Variants in SLX9 observed in about 807,000 individuals in gnomAD.
SLX9 encodes SLX9 ribosome biogenesis factor, also known as ribosome biogenesis protein SLX9 homolog.
Under a neutral mutation model 20.8 loss-of-function variants are expected in SLX9, and 19 were observed. The observed-to-expected ratio is 0.91, with a 90% CI of 0.64 to 1.34. SLX9 has a LOEUF of 1.34. Ranked by LOEUF, SLX9 falls within the 40% of genes most tolerant of loss-of-function variation. SLX9 has a pLI of 0.00. For synonymous variants in SLX9, 113 were observed against 137.1 expected, an observed-to-expected ratio of 0.82 and a Z score of 1.23; for missense variants, 299 against 322.2, an observed-to-expected ratio of 0.93 and a Z score of 0.55.
At chr21:44,946,474 GT>G (rs1353682907) in intron 2 of SLX9, among the ~76,000 whole-genome samples, 2 of 152,134 alleles carry the variant, frequency 1.3e-5, no homozygotes, top group African/African-American at 4.8e-5. Context: ...GGTTTTGGGT[GT>G]TGGGGAGGAG....
At chr21:44,974,364 C>T (rs2085222924) in intron 5 of SLX9, among the ~76,000 whole-genome samples, 1 of 152,126 alleles carries the variant, frequency 6.6e-6, no homozygotes, top group Non-Finnish European at 1.5e-5. Flanking sequence ...TGTTGGGAAG[C>T]TGGTGTCGAA....
intron 3 of SLX9, among the ~76,000 whole-genome samples, chr21:44,966,389 A>G (rs994343504): frequency 6.6e-6 from 1 of 152,220 alleles, no homozygotes; most frequent in Non-Finnish European, 1.5e-5. Flanking sequence ...TCCGCGCTCC[A>G]CAGCCTCCAG....
At chr21:44,975,434 C>T (rs900155490) in intron 5 of SLX9, among the ~76,000 whole-genome samples, 1 of 152,330 alleles carries the variant, frequency 6.6e-6, no homozygotes, top group African/African-American at 2.4e-5. Context: ...GCCAGGGGCA[C>T]CGAACCCGTG....
At chr21:44,968,748 C>G (rs1040786343) in intron 4 of SLX9, among the ~76,000 whole-genome samples, 1 of 140,116 alleles carries the variant, frequency 7.1e-6, no homozygotes, top group African/African-American at 2.9e-5. Flanking sequence ...TGTGTCATCT[C>G]TGTGCTTTTT....
chr21:44,974,897 G>A (rs1050883356), intron 5 of SLX9, among the ~76,000 whole-genome samples: 4 of 152,208 alleles, frequency 2.6e-5, no homozygotes, highest in African/African-American at 9.7e-5. Flanking sequence ...CTCCCTGCCT[G>A]GACAGGGCGA....
intron 3 of SLX9, among the ~76,000 whole-genome samples, chr21:44,966,566 T>C (rs908981289): frequency 2.0e-5 from 3 of 152,140 alleles, no homozygotes; most frequent in Non-Finnish European, 4.4e-5. Flanking sequence ...CCACCCCCCA[T>C]GGCCCCAAGC....
chr21:44,971,797 G>T (rs2085154957), intron 4 of SLX9, among the ~76,000 whole-genome samples: 1 of 152,196 alleles, frequency 6.6e-6, no homozygotes, highest in South Asian at 2.1e-4. Context: ...ACAGGGAGGG[G>T]GTCGGCTGGC....
At chr21:44,946,646 G>C (rs1338134504) in intron 2 of SLX9, among the ~76,000 whole-genome samples, 1 of 152,238 alleles carries the variant, frequency 6.6e-6, no homozygotes. Flanking sequence ...CCAGGAGGCT[G>C]TCCTGTGGGA....
chr21:44,956,122 G>A (rs761655642), intron 2 of SLX9, among the ~76,000 whole-genome samples: 15 of 152,116 alleles, frequency 9.9e-5, no homozygotes, highest in East Asian at 1.9e-4. Context: ...TTTTCTTTTC[G>A]GCTGTTGATT....
At chr21:44,944,383 C>T (rs1304915061) in intron 2 of SLX9, among the ~76,000 whole-genome samples, 4 of 152,170 alleles carry the variant, frequency 2.6e-5, no homozygotes, top group African/African-American at 7.2e-5. Flanking sequence ...GTGAGAGGGT[C>T]TGGGAACTCC....
chr21:44,973,242 C>A lies in SLX9; in HGVS notation c.546C>A (p.Ser182Arg), dbSNP rs369077251. Residue 182 changes from serine to arginine, a missense_variant, in exon 5 of 6, where the codon AGC becomes AGA. Ser to Arg is a moderately radical substitution (Grantham distance 110). Coordinates refer to ENST00000291634, the MANE Select transcript of SLX9 (RefSeq NM_058190.4). ...GGCCCTCAGAGCTCAGCCGGATGAG[C>A]GCAGCCCAGAGACAGCAGCTTCTGT... ...KPRPSELSRM[S>R]AAQRQQLLEE... The A allele has an allele frequency of 4.3e-5, 70 of 1,612,628 alleles. No homozygotes were observed. Among genetic ancestry groups the A allele is most frequent in the Non-Finnish European group, 1.1e-5 (13 of 1,179,734 alleles).
intron 1 of SLX9, 143 bp from the exon 2 acceptor site, chr21:44,943,541 G>A: frequency 1.7e-6 from 2 of 1,163,936 alleles, no homozygotes; most frequent in Non-Finnish European, 2.4e-6. Context: ...GGTGAGGGTT[G>A]TTTCCCCCAG....
chr21:44,953,150 A>T (rs557556930), intron 2 of SLX9, among the ~76,000 whole-genome samples: 2 of 152,238 alleles, frequency 1.3e-5, no homozygotes, highest in Non-Finnish European at 2.9e-5. Context: ...GGCTCTCCTC[A>T]TTCACTCCTC....
At chr21:44,971,068 C>G (rs2085135046) in intron 4 of SLX9, among the ~76,000 whole-genome samples, 1 of 152,290 alleles carries the variant, frequency 6.6e-6, no homozygotes, top group Non-Finnish European at 1.5e-5. Context: ...GACCCCCATG[C>G]TCTGGACCTC....
chr21:44,957,591 C>T (rs543125669), intron 2 of SLX9, among the ~76,000 whole-genome samples: 67 of 152,356 alleles, frequency 4.4e-4, no homozygotes, highest in African/African-American at 1.5e-3. Flanking sequence ...TCATGCCCTG[C>T]GGCCTTGTCT....
chr21:44,961,502 G>A (rs532908928), intron 3 of SLX9, among the ~76,000 whole-genome samples: 6 of 152,156 alleles, frequency 3.9e-5, no homozygotes, highest in South Asian at 2.1e-4. Context: ...TAGGAAGATC[G>A]CTTCAACCCA....
In SLX9 at chr21:44,960,090, C is replaced by CT; in HGVS notation, c.284-7dup. 2 of 1,614,196 alleles carry CT rather than the reference C, an allele frequency of 1.2e-6. No individual in the cohort carries two copies. The highest frequency in any genetic ancestry group is 1.7e-6 in the Non-Finnish European group (2 of 1,180,006). On this transcript the variant is annotated splice_polypyrimidine_tract_variant and intron_variant, in intron 2 of 5. Coordinates refer to ENST00000291634, the MANE Select transcript of SLX9 (RefSeq NM_058190.4). ...CACGTTTTGCTCACTCCCGTGTTCTCTTTCCTCAGGTGCAGAGGCCAAGAC... is the reference window on the plus strand; with the variant it reads ...CACGTTTTGCTCACTCCCGTGTTCTCTTTTCCTCAGGTGCAGAGGCCAAGAC...
chr21:44,941,208 T>G (rs1457753493), intron 1 of SLX9, among the ~76,000 whole-genome samples: 1 of 152,222 alleles, frequency 6.6e-6, no homozygotes, highest in Non-Finnish European at 1.5e-5. Flanking sequence ...TAATGCCTAC[T>G]CTGAATTCTT....
At position 44,967,108 on chromosome 21, in the gene SLX9, G is replaced by T. The variant is rs1165926643; in HGVS notation, c.427G>T (p.Asp143Tyr). The T allele has an allele frequency of 6.2e-7, 1 of 1,611,148 alleles. No homozygotes were observed. The highest frequency in any genetic ancestry group is 8.5e-7 in the Non-Finnish European group (1 of 1,179,400). ...GCGGAGGGCCACGGTGGTGGTGGGG[G>T]ACCTGCACCCTCTCAGGGATGCCCT... is the stretch of plus-strand genomic sequence containing the variant. ...RRRRATVVVG[D>Y]LHPLRDALPE... Residue 143 changes from aspartate (D) to tyrosine (Y), a missense_variant, in exon 4 of 6, where the codon GAC becomes TAC. By Grantham distance (160) the Asp-to-Tyr change is radical. Coordinates refer to ENST00000291634, the MANE Select transcript of SLX9 (RefSeq NM_058190.4).
Sources: gnomAD v4.1 joint callset for allele counts (sites outside exome capture counted in the v4.1 genomes callset) on GRCh38, gnomAD v4.1.1 for gene constraint, MANE v1.5 for transcripts, NCBI Gene and HGNC (gene_info 2026-07-23, HGNC 2026-07-21) for gene names.